The following RYR2 variants were observed in gnomAD, a reference collection of about 807,000 sequenced individuals.
RYR2 encodes ryanodine receptor 2.
In RYR2, 227 loss-of-function variants were observed where a neutral mutation model predicts 601.1. The observed-to-expected ratio is 0.38, with a 90% CI of 0.34 to 0.42. RYR2 has a LOEUF of 0.42. RYR2 is among the 10% of genes least tolerant of loss of function. The pLI is 1.00. For missense variants in RYR2, 4,646 were observed against 6,156.5 expected, an observed-to-expected ratio of 0.75 and a Z score of 8.21; for synonymous variants, 2,223 against 2,175.1, an observed-to-expected ratio of 1.02 and a Z score of -0.61.
At chr1:237,546,361 A>G (rs1669801270) in intron 25 of RYR2, among the ~76,000 whole-genome samples, 1 of 152,130 alleles carries the variant, frequency 6.6e-6, no homozygotes, top group South Asian at 2.1e-4. Flanking sequence ...GTGTCTATAG[A>G]TAAATTACTT....
At chr1:237,452,053 G>C (rs973952910) in intron 14 of RYR2, among the ~76,000 whole-genome samples, 4 of 110,020 alleles carry the variant, frequency 3.6e-5, no homozygotes, top group African/African-American at 6.0e-5. Flanking sequence ...CTTTTGGCCT[G>C]GGGTGGGGAA....
chr1:237,593,432 G>C, intron 32 of RYR2, 44 bp from the exon 33 acceptor site: 2 of 1,549,402 alleles, frequency 1.3e-6, no homozygotes, highest in Non-Finnish European at 1.7e-6. Context: ...GTTTTGTTTT[G>C]TTTAGTTTTA....
At chr1:237,282,192 T>C (rs1572462270) in intron 2 of RYR2, among the ~76,000 whole-genome samples, 1 of 151,906 alleles carries the variant, frequency 6.6e-6, no homozygotes, top group East Asian at 1.9e-4. Context: ...TGGCGCATTT[T>C]TTTTTTTTTC....
intron 24 of RYR2, among the ~76,000 whole-genome samples, chr1:237,517,977 T>C (rs1037393411): frequency 6.6e-6 from 1 of 152,224 alleles, no homozygotes; most frequent in Non-Finnish European, 1.5e-5. Flanking sequence ...GTCCTTCTCT[T>C]GTTGTGTTAA....
chr1:237,054,906 G>A (rs1042615128), intron 1 of RYR2, among the ~76,000 whole-genome samples: 1 of 152,080 alleles, frequency 6.6e-6, no homozygotes, highest in Non-Finnish European at 1.5e-5. Context: ...CATCCCCAGG[G>A]CCACTTTCCA....
At chr1:237,527,732 G>A (rs1304285839) in intron 24 of RYR2, among the ~76,000 whole-genome samples, 1 of 152,134 alleles carries the variant, frequency 6.6e-6, no homozygotes, top group Non-Finnish European at 1.5e-5. Flanking sequence ...TTAAAATGTG[G>A]AACCCTACTT....
chr1:237,168,520 CTGT>C (rs1676967704), intron 1 of RYR2, among the ~76,000 whole-genome samples: 1 of 152,014 alleles, frequency 6.6e-6, no homozygotes, highest in Non-Finnish European at 1.5e-5. Flanking sequence ...TCCAAGCCTT[CTGT>C]TGTTCTATAC....
chr1:237,574,001 C>T (rs12139829), intron 29 of RYR2, among the ~76,000 whole-genome samples: 39,457 of 151,902 alleles, frequency 0.26, 5,613 homozygotes, highest in East Asian at 0.61. Context: ...CTCAAAACCA[C>T]GCTTACATGG....
At chr1:237,088,552 A>G (rs1666611289) in intron 1 of RYR2, among the ~76,000 whole-genome samples, 1 of 152,204 alleles carries the variant, frequency 6.6e-6, no homozygotes, top group African/African-American at 2.4e-5. Context: ...AACAAAAGCC[A>G]GGGGCATTGG....
At chr1:237,044,091 G>C (rs1443613504) in intron 1 of RYR2, among the ~76,000 whole-genome samples, 3 of 152,116 alleles carry the variant, frequency 2.0e-5, no homozygotes, top group East Asian at 3.9e-4. Flanking sequence ...GCCCAAGACC[G>C]GGCTTGGAAG....
Position 237,609,193 on chromosome 1 carries a change from C to G in RYR2, c.4684-1569C>G, listed in dbSNP as rs1209592644. ...TTCCCTCCCTCCCTTCCTTCCTGCC[C>G]TCCTATCTTCCTTGTCCCCATCCCT... is the stretch of plus-strand genomic sequence containing the variant. On this transcript the variant is annotated intron_variant, in intron 35 of 104. Coordinates refer to ENST00000366574, the MANE Select transcript of RYR2 (RefSeq NM_001035.3). 1.0e-4 allele frequency among the ~76,000 whole-genome samples: 11 copies of G among 107,640 alleles called. No homozygotes were observed. In the Admixed American group the frequency reaches 1.3e-3, roughly 12 times the overall value. The allele number at this position is 107,640 out of a possible 152,430, so 70.6% of individuals were successfully genotyped here. A position where few individuals can be genotyped will look rare whatever the true frequency, so the allele number is the denominator to read the frequency against.
At chr1:237,474,231 A>C (rs1323014789) in intron 17 of RYR2, among the ~76,000 whole-genome samples, 5 of 105,584 alleles carry the variant, frequency 4.7e-5, no homozygotes, top group African/African-American at 1.4e-4. Flanking sequence ...AGATCTATAC[A>C]TATATATGTA....
intron 48 of RYR2, among the ~76,000 whole-genome samples, 192 bp downstream of exon 48, chr1:237,643,639 G>A (rs1431504570): frequency 1.3e-5 from 2 of 148,654 alleles, no homozygotes; most frequent in Non-Finnish European, 3.0e-5. Context: ...TTGAATTAGA[G>A]CCTTGCTCTG....
At chr1:237,057,009 G>A (rs1662229952) in intron 1 of RYR2, among the ~76,000 whole-genome samples, 1 of 152,178 alleles carries the variant, frequency 6.6e-6, no homozygotes, top group Non-Finnish European at 1.5e-5. Flanking sequence ...GCAGCAGTAG[G>A]AGTCGAATTC....
chr1:237,686,220 G>C (rs1360638508), intron 62 of RYR2, among the ~76,000 whole-genome samples: 1 of 152,228 alleles, frequency 6.6e-6, no homozygotes, highest in Non-Finnish European at 1.5e-5. Flanking sequence ...ATCAAGCTGA[G>C]TGTGGGTGGT....
chr1:237,354,785 C>G (rs1406035629), intron 3 of RYR2, among the ~76,000 whole-genome samples: 2 of 152,042 alleles, frequency 1.3e-5, no homozygotes, highest in Admixed American at 1.3e-4. Flanking sequence ...TCTTAAATAA[C>G]AACAGTGTGT....
intron 1 of RYR2, among the ~76,000 whole-genome samples, chr1:237,241,341 GAAGCCAA>G (rs1686139637): frequency 6.6e-6 from 1 of 152,138 alleles, no homozygotes; most frequent in Non-Finnish European, 1.5e-5. Flanking sequence ...GCTAATTTTG[GAAGCCAA>G]TGGGCAACAG....
At chr1:237,313,899 A>T (rs1694822590) in intron 2 of RYR2, among the ~76,000 whole-genome samples, 1 of 145,440 alleles carries the variant, frequency 6.9e-6, no homozygotes, top group African/African-American at 2.5e-5. Context: ...CATTTTGCTG[A>T]TTTCCATGAG....
chr1:237,073,216 G>C (rs748600652), intron 1 of RYR2, among the ~76,000 whole-genome samples: 2 of 152,190 alleles, frequency 1.3e-5, no homozygotes, highest in African/African-American at 4.8e-5. Flanking sequence ...CTGGTTTGTG[G>C]TGGGTGTTGA....
Sources: gnomAD v4.1 joint callset for allele counts (sites outside exome capture counted in the v4.1 genomes callset) on GRCh38, gnomAD v4.1.1 for gene constraint, MANE v1.5 for transcripts, NCBI Gene and HGNC (gene_info 2026-07-23, HGNC 2026-07-21) for gene names.